Variants in BUB1 observed in about 807,000 individuals in gnomAD.
BUB1 encodes the protein BUB1 mitotic checkpoint serine/threonine kinase, also known as mitotic checkpoint serine/threonine-protein kinase BUB1.
Under a neutral mutation model 135.2 loss-of-function variants are expected in BUB1, and 84 were observed. The ratio of observed to expected loss-of-function variants is 0.62; its 90% CI spans 0.52 to 0.74. The LOEUF (loss-of-function observed/expected upper bound fraction) is 0.74. BUB1 is among the 30% of genes least tolerant of loss of function. The pLI, the probability that BUB1 is intolerant of heterozygous loss-of-function variation, is 0.00. For missense variants in BUB1, 1,162 were observed against 1,288.3 expected (o/e 0.90, Z 1.50); for synonymous variants, 403 against 434.4 (o/e 0.93, Z 0.90).
At chr2:110,677,893 G>A (rs1269089669) in intron 1 of BUB1, 77 bp downstream of exon 1, 1 of 1,512,212 alleles carries the variant, frequency 6.6e-7, no homozygotes, top group Admixed American at 2.1e-5. Flanking sequence ...AAAGAAGGCA[G>A]GTCTGGGGCG....
chr2:110,660,021 A>G lies in BUB1; in HGVS notation c.1233T>C (p.Ser411=), dbSNP rs1574326933. 7 of 1,611,410 alleles carry G rather than the reference A, an allele frequency of 4.3e-6. No homozygotes were observed. Among genetic ancestry groups the G allele is most frequent in the Non-Finnish European group, 5.9e-6 (7 of 1,177,882 alleles). The change falls in exon 11 of 25, where the codon AGT becomes AGC. Residue 411 remains serine, a synonymous_variant. Coordinates refer to ENST00000302759, the MANE Select transcript of BUB1 (RefSeq NM_004336.5). ...CACTCTGTGGCTTGAATTCATGAGT[A>G]CTCTTATTCACACATCTGGAAGAGA... ...ASKDAGCVNK[S]THEFKPQSGA...
chr2:110,665,639 TCTC>T (rs1690228761), intron 9 of BUB1, among the ~76,000 whole-genome samples: 1 of 151,394 alleles, frequency 6.6e-6, no homozygotes, highest in Non-Finnish European at 1.5e-5. Context: ...AAATGAATGC[TCTC>T]CTTCATATAT....
chr2:110,653,783 C>T (rs1689848010), intron 16 of BUB1, among the ~76,000 whole-genome samples: 1 of 152,126 alleles, frequency 6.6e-6, no homozygotes, highest in Non-Finnish European at 1.5e-5. Context: ...GTGGGAGGAT[C>T]ACTTGAGGCC....
At chr2:110,668,772 C>T (rs1690337739) in intron 6 of BUB1, among the ~76,000 whole-genome samples, 1 of 152,300 alleles carries the variant, frequency 6.6e-6, no homozygotes, top group Admixed American at 6.5e-5. Context: ...GATGCAGTTA[C>T]ATTTATTGGT....
chr2:110,655,734 C>T lies in BUB1; in HGVS notation c.1876+5G>A. The T allele has an allele frequency of 1.9e-6, 3 of 1,611,280 alleles. No homozygotes were observed. Among genetic ancestry groups the T allele is most frequent in the Non-Finnish European group, 2.5e-6 (3 of 1,177,892 alleles). ...AGACAGACACTAAAACAGTGTAACA[C>T]ACACCTTTATCTTCTAAAATGTGCA... On this transcript the variant is annotated splice_donor_5th_base_variant and intron_variant, in intron 16 of 24. Coordinates refer to ENST00000302759, the MANE Select transcript of BUB1 (RefSeq NM_004336.5).
At chr2:110,645,533 G>C (rs1444486533) in intron 19 of BUB1, among the ~76,000 whole-genome samples, 2 of 151,832 alleles carry the variant, frequency 1.3e-5, no homozygotes, top group African/African-American at 2.4e-5. Context: ...ATTTCTGACA[G>C]AGCAGACTTC....
chr2:110,658,412 T>G lies in BUB1; in HGVS notation c.1514A>C (p.Gln505Pro), dbSNP rs748870220. Residue 505 changes from glutamine to proline, a missense_variant and splice_region_variant, in exon 13 of 25, where the codon CAA (glutamine) becomes CCA (proline). Gln to Pro is a moderately conservative substitution (Grantham distance 76). Coordinates refer to ENST00000302759, the MANE Select transcript of BUB1 (RefSeq NM_004336.5). ...AGTAGCTTTTAAATAGTTATTACTT[T>G]GAAACTGGGCTTCAAATGCATCTTC... ...QNEDAFEAQF[Q>P]KNVRSSGAWG... is the part of the protein sequence containing the mutation. 4 of 1,609,142 alleles carry G rather than the reference T, an allele frequency of 2.5e-6. No individual in the cohort carries two copies. The highest frequency in any genetic ancestry group is 1.7e-4 in the Middle Eastern group (1 of 5,876).
At chr2:110,649,128 T>TG (rs1303494042) in intron 19 of BUB1, 106 bp downstream of exon 19, 2 of 1,097,968 alleles carry the variant, frequency 1.8e-6, no homozygotes, top group South Asian at 3.6e-5. Flanking sequence ...TATTGGAGGT[T>TG]GGGGGGCAAA....
rs767099473 is a variant in BUB1, at chr2:110,661,653, A to C, written c.1146T>G (p.Ile382Met). ...GGGCTTTCAAAGGAACAGGAGGAGC[A>C]ATGCTCTGGCTGGTGGCTGGGGACA... Reference protein sequence around the residue: ...ALVSPATSQSIAPPVPLKAQT... With the variant: ...ALVSPATSQSMAPPVPLKAQT... Residue 382 changes from isoleucine (I) to methionine (M), a missense_variant, in exon 10 of 25, where the codon ATT (isoleucine) becomes ATG (methionine). Transcript: ENST00000302759. 2 of 1,614,098 alleles carry C rather than the reference A, an allele frequency of 1.2e-6. No homozygotes were observed.
intron 19 of BUB1, among the ~76,000 whole-genome samples, chr2:110,645,580 C>T (rs987463769): frequency 1.0e-4 from 15 of 145,166 alleles, no homozygotes; most frequent in Non-Finnish European, 2.1e-4. Flanking sequence ...AATGGCGTTA[C>T]GTGTATGTGT....
chr2:110,663,757 T>G (rs1161936450), intron 9 of BUB1, among the ~76,000 whole-genome samples: 16 of 152,182 alleles, frequency 1.1e-4, no homozygotes, highest in Admixed American at 9.8e-4. Context: ...GGCCGGGCAC[T>G]GTGGCTCAAG....
intron 17 of BUB1, among the ~76,000 whole-genome samples, chr2:110,651,793 T>C (rs1305919063): frequency 9.9e-5 from 15 of 152,240 alleles, no homozygotes. Flanking sequence ...TATGTTTACA[T>C]ACACAAATTC....
At chr2:110,670,126 G>GTTTTT (rs377459142) in intron 5 of BUB1, among the ~76,000 whole-genome samples, 25 of 120,858 alleles carry the variant, frequency 2.1e-4, no homozygotes, top group Middle Eastern at 4.6e-3. Flanking sequence ...AATTGGATGG[G>GTTTTT]TTTTTTTTTT....
chr2:110,665,571 TTGTGTGTGTGTGTG>T (rs34442113), intron 9 of BUB1, among the ~76,000 whole-genome samples: 1 of 141,082 alleles, frequency 7.1e-6, no homozygotes, highest in Non-Finnish European at 1.6e-5. Context: ...AAAAGAATGT[TTGTGTGTGTGTGTG>T]TGTGTGTGTG....
intron 15 of BUB1, among the ~76,000 whole-genome samples, chr2:110,656,475 C>A (rs566433923): frequency 4.7e-4 from 72 of 152,188 alleles, no homozygotes; most frequent in African/African-American, 1.5e-3. Flanking sequence ...TCAGAAACTC[C>A]GTAGAATGTC....
intron 14 of BUB1, 69 bp downstream of exon 14, chr2:110,657,477 A>G (rs1334912170): frequency 1.7e-6 from 2 of 1,171,534 alleles, no homozygotes; most frequent in Non-Finnish European, 2.4e-6. Context: ...TTCTCTCCTC[A>G]CCACCCCACC....
At chr2:110,660,120 C>T (rs1217975247) in intron 10 of BUB1, 84 bp from the exon 11 acceptor site, 4 of 1,217,140 alleles carry the variant, frequency 3.3e-6, no homozygotes, top group African/African-American at 1.5e-5. Flanking sequence ...GCCTGTAATC[C>T]CAGCACTTTG....
At chr2:110,656,829 T>C (rs901747614) in intron 15 of BUB1, among the ~76,000 whole-genome samples, 1 of 152,240 alleles carries the variant, frequency 6.6e-6, no homozygotes, top group African/African-American at 2.4e-5. Context: ...TAAATAATTT[T>C]GGTAGGACAC....
At chr2:110,668,155 CTAGAG>C (rs1318010476) in intron 6 of BUB1, among the ~76,000 whole-genome samples, 1 of 152,068 alleles carries the variant, frequency 6.6e-6, no homozygotes, top group Non-Finnish European at 1.5e-5. Flanking sequence ...AGTCTAGTAG[CTAGAG>C]TATAGTGTCT....
Sources: allele counts gnomAD v4.1 joint callset (sites outside exome capture counted in the v4.1 genomes callset), GRCh38; gene constraint gnomAD v4.1.1; transcripts MANE v1.5; gene names NCBI Gene and HGNC (gene_info 2026-07-23, HGNC 2026-07-21).